Variants in ACTR3C observed in about 807,000 individuals in gnomAD.
The protein encoded by ACTR3C is actin-related protein 3C.
ACTR3C carries 18 observed loss-of-function variants against 26.3 expected under a neutral mutation model. The observed-to-expected ratio is 0.68, with a 90% CI of 0.47 to 1.01. The LOEUF (loss-of-function observed/expected upper bound fraction) is 1.01, where lower values mean the gene tolerates loss of function less well. Ranked by LOEUF, ACTR3C falls within the 50% of genes least tolerant of loss-of-function variation. ACTR3C has a pLI of 0.00. For synonymous variants in ACTR3C, 55 were observed against 94.5 expected, an observed-to-expected ratio of 0.58 and a Z score of 2.42; for missense variants, 184 against 250.7, an observed-to-expected ratio of 0.73 and a Z score of 1.80.
downstream of ACTR3C, chr7:150,246,201 T>C (rs1303247447): frequency 6.6e-6 from 1 of 152,218 alleles, no homozygotes; most frequent in African/African-American, 2.4e-5. Flanking sequence ...AATTTTCTTA[T>C]GTTCTGAAAG....
the ACTR3C span, among the ~76,000 whole-genome samples, chr7:149,999,208 T>C: frequency 6.6e-6 from 1 of 150,890 alleles, no homozygotes; most frequent in African/African-American, 2.4e-5. Flanking sequence ...GTGTCTAATT[T>C]CATCTTCAAA....
the ACTR3C span, among the ~76,000 whole-genome samples, chr7:150,135,422 G>A: frequency 6.6e-6 from 1 of 152,218 alleles, no homozygotes; most frequent in Non-Finnish European, 1.5e-5. Context: ...TGGCCATGAG[G>A]AGCGCTGCCT....
the ACTR3C span, among the ~76,000 whole-genome samples, chr7:150,107,591 G>A: frequency 6.6e-6 from 1 of 152,018 alleles, no homozygotes; most frequent in African/African-American, 2.4e-5. Context: ...AAGCAGGAGT[G>A]TGGCTTCTAC....
the ACTR3C span, among the ~76,000 whole-genome samples, chr7:149,893,062 T>C: frequency 3.3e-5 from 5 of 152,224 alleles, no homozygotes; most frequent in Admixed American, 3.3e-4. Context: ...AATAATCATA[T>C]CAAACTTCAC....
At chr7:150,039,506 C>T in the ACTR3C span, among the ~76,000 whole-genome samples, 44 of 65,430 alleles carry the variant, frequency 6.7e-4, 1 homozygote, top group Non-Finnish European at 5.1e-4. Context: ...TCCCCACTCT[C>T]GTGGGGGGTG....
chr7:150,281,487 C>T (rs550022339), intron 6 of ACTR3C, among the ~76,000 whole-genome samples: 10 of 150,924 alleles, frequency 6.6e-5, no homozygotes, highest in Non-Finnish European at 1.5e-4. Flanking sequence ...CTGGAGGGAC[C>T]CTACTCCATC....
intron 6 of ACTR3C, among the ~76,000 whole-genome samples, chr7:150,271,535 A>G (rs1584887744): frequency 6.7e-6 from 1 of 149,968 alleles, no homozygotes; most frequent in Non-Finnish European, 1.5e-5. Context: ...TTATGGCTTC[A>G]TAGTATTCCA....
chr7:150,180,637 C>T, the ACTR3C span, among the ~76,000 whole-genome samples: 7 of 148,360 alleles, frequency 4.7e-5, no homozygotes, highest in African/African-American at 7.8e-5. Context: ...CTCAGCCTCC[C>T]GAGTAGCTGG....
At chr7:150,092,858 A>T in the ACTR3C span, among the ~76,000 whole-genome samples, 3 of 151,386 alleles carry the variant, frequency 2.0e-5, no homozygotes, top group Non-Finnish European at 2.9e-5. Context: ...GTGTGACCAC[A>T]GGAGAACTAC....
chr7:150,047,025 A>ATT, the ACTR3C span, among the ~76,000 whole-genome samples: 2 of 147,414 alleles, frequency 1.4e-5, no homozygotes, highest in African/African-American at 2.5e-5. Context: ...GTATTTTGGT[A>ATT]TTTTTTTTTT....
chr7:150,239,151 G>T (rs935615116), downstream of ACTR3C, among the ~76,000 whole-genome samples: 1 of 151,632 alleles, frequency 6.6e-6, no homozygotes, highest in Non-Finnish European at 1.5e-5. Flanking sequence ...TTTCAGGCAC[G>T]CTGGCTGCTT....
At chr7:150,041,626 C>T in the ACTR3C span, among the ~76,000 whole-genome samples, 19 of 84,902 alleles carry the variant, frequency 2.2e-4, no homozygotes, top group African/African-American at 6.2e-4. Context: ...CCCTGCCTCG[C>T]GGGGGGTGCC....
the ACTR3C span, among the ~76,000 whole-genome samples, chr7:150,012,292 A>G: frequency 6.8e-6 from 1 of 147,914 alleles, no homozygotes; most frequent in Non-Finnish European, 1.5e-5. Context: ...AGAAAAAGAG[A>G]TACAACAAGG....
the ACTR3C span, among the ~76,000 whole-genome samples, chr7:150,135,648 C>T: frequency 6.6e-6 from 1 of 152,050 alleles, no homozygotes; most frequent in Admixed American, 6.5e-5. Context: ...TGGATAAGAG[C>T]CACGGTTACA....
chr7:149,914,121 T>G, the ACTR3C span, among the ~76,000 whole-genome samples: 1 of 151,660 alleles, frequency 6.6e-6, no homozygotes, highest in Admixed American at 6.6e-5. Flanking sequence ...ACTCTTGGGC[T>G]CAAGGGATCC....
At chr7:149,963,001 T>C in the ACTR3C span, among the ~76,000 whole-genome samples, 7,093 of 152,148 alleles carry the variant, frequency 0.047, 431 homozygotes, top group African/African-American at 0.16. Context: ...TCTTCCAGCA[T>C]GGGGTGTGTC....
chr7:150,215,776 T>C, the ACTR3C span, among the ~76,000 whole-genome samples: 5 of 151,512 alleles, frequency 3.3e-5, no homozygotes, highest in Non-Finnish European at 7.4e-5. Context: ...GATTCCTTGT[T>C]GGCAAAAATG....
the ACTR3C span, among the ~76,000 whole-genome samples, chr7:149,934,371 T>A: frequency 6.6e-6 from 1 of 152,144 alleles, no homozygotes; most frequent in South Asian, 2.1e-4. Context: ...AAGCAAAAGC[T>A]CCAGAGTGTG....
downstream of ACTR3C, among the ~76,000 whole-genome samples, chr7:150,241,285 T>C (rs1190695524): frequency 6.6e-6 from 1 of 152,172 alleles, no homozygotes; most frequent in Non-Finnish European, 1.5e-5. Flanking sequence ...CCCTGTGGTA[T>C]TGGTGTAGGA....
Sources: allele counts gnomAD v4.1 joint callset (sites outside exome capture counted in the v4.1 genomes callset), GRCh38; gene constraint gnomAD v4.1.1; transcripts MANE v1.5; gene names NCBI Gene and HGNC (gene_info 2026-07-23, HGNC 2026-07-21).